The following ZCCHC4 variants were observed in gnomAD, a reference collection of about 807,000 sequenced individuals.
ZCCHC4 encodes zinc finger CCHC-type containing 4.
ZCCHC4 carries 54 observed loss-of-function variants against 67.7 expected under a neutral mutation model. The observed-to-expected ratio is 0.80, with a 90% CI of 0.64 to 1.00. The LOEUF (loss-of-function observed/expected upper bound fraction) is 1.00. Ranked by LOEUF, ZCCHC4 falls within the 50% of genes least tolerant of loss-of-function variation. The probability of loss-of-function intolerance (pLI) is 0.00; values close to 1 mark genes in which losing one functional copy is unlikely to be tolerated. For missense variants in ZCCHC4, 609 were observed against 617.0 expected (o/e 0.99, Z 0.14); for synonymous variants, 198 against 213.5 (o/e 0.93, Z 0.63).
Position 25,359,171 on chromosome 4 carries a change from G to A in ZCCHC4, c.1012-2688G>A, listed in dbSNP as rs1720627604. ...GCAGCAGTAGATGGGTCCCCCGCAA[G>A]CATGGAGAAGGTACTGAAGCAGCTA... On this transcript the variant is annotated intron_variant, in intron 8 of 12. Coordinates refer to ENST00000302874, the MANE Select transcript of ZCCHC4 (RefSeq NM_024936.3). The surrounding 1 kb of genome is among the most constrained non-coding windows in gnomAD (Gnocchi z 4.9). 6.6e-6 allele frequency among the ~76,000 whole-genome samples: 1 copy of A among 152,224 alleles called. No homozygotes were observed. The highest frequency in any genetic ancestry group is 2.1e-4 in the South Asian group (1 of 4,836).
At position 25,322,331 on chromosome 4, in the gene ZCCHC4, T is replaced by C. The variant is rs1394301212; in HGVS notation, c.329+6931T>C. Among the ~76,000 whole-genome samples, 7 of 152,192 alleles carry C rather than the reference T, an allele frequency of 4.6e-5. No homozygotes were observed. In the South Asian group the frequency reaches 1.5e-3, roughly 32 times the overall value. ...AAACCTCATGCCTGTCAGCAGTTAC[T>C]CCCATTTCCCCACTCCCCACCCCAG... On this transcript the variant is annotated intron_variant, in intron 3 of 12. Transcript: ENST00000302874.
chr4:25,321,297 G>A (rs1303496603), intron 3 of ZCCHC4, among the ~76,000 whole-genome samples: 1 of 151,620 alleles, frequency 6.6e-6, no homozygotes, highest in Non-Finnish European at 1.5e-5. Flanking sequence ...CTGTTGCCCA[G>A]GCAGGAGTGC....
Position 25,365,073 on chromosome 4 carries a change from G to C in ZCCHC4, c.1313G>C (p.Cys438Ser). The C allele has an allele frequency of 6.2e-7, 1 of 1,614,194 alleles. No homozygotes were observed. Among genetic ancestry groups the C allele is most frequent in the Non-Finnish European group, 8.5e-7 (1 of 1,180,032 alleles). The change falls in exon 12 of 13, where the codon TGT becomes TCT. Residue 438 changes from cysteine (C) to serine (S), a missense_variant. Cys to Ser is a moderately radical substitution (Grantham distance 112). Transcript: ENST00000302874. Reference sequence around the variant, plus strand: ...CACTGTGCTGTTCCAGATCATTCTTGTGAGGGCCCCAAACATGGCTGCTTT... The same window carrying C: ...CACTGTGCTGTTCCAGATCATTCTTCTGAGGGCCCCAAACATGGCTGCTTT... ...CNHCAVPDHS[C>S]EGPKHGCFIC...
intron 3 of ZCCHC4, among the ~76,000 whole-genome samples, chr4:25,327,418 T>TTCCCTCCC (rs1270298300): frequency 1.6e-5 from 2 of 128,806 alleles, no homozygotes; most frequent in Non-Finnish European, 3.1e-5. Context: ...CCTTCCCTCC[T>TTCCCTCCC]TCCCTCCTTC....
At chr4:25,354,904 CCTTTT>C (rs200269596) in intron 8 of ZCCHC4, among the ~76,000 whole-genome samples, 1,603 of 109,330 alleles carry the variant, frequency 0.015, 38 homozygotes, top group African/African-American at 0.05. Flanking sequence ...CTTGATTAGG[CCTTTT>C]TTTTTTTTTT....
At chr4:25,355,442 G>A (rs11736160) in intron 8 of ZCCHC4, among the ~76,000 whole-genome samples, 63,153 of 151,988 alleles carry the variant, frequency 0.42, 15,659 homozygotes, top group Non-Finnish European at 0.56. Context: ...CACCATGGGG[G>A]TGGGGTCAGG....
chr4:25,362,083 T>C, intron 9 of ZCCHC4, 103 bp downstream of exon 9: 1 of 1,481,920 alleles, frequency 6.7e-7, no homozygotes, highest in Non-Finnish European at 9.1e-7. Flanking sequence ...TATTCTTCTG[T>C]TACTTTTAAA....
At chr4:25,347,841 G>GCCTCTCTACATA (rs1720096629) in intron 6 of ZCCHC4, among the ~76,000 whole-genome samples, 2 of 152,172 alleles carry the variant, frequency 1.3e-5, no homozygotes, top group African/African-American at 4.8e-5. Flanking sequence ...AGAGAGGATG[G>GCCTCTCTACATA]CTAATTAAAT....
chr4:25,334,952 C>A (rs1719376951), intron 5 of ZCCHC4, among the ~76,000 whole-genome samples: 1 of 152,046 alleles, frequency 6.6e-6, no homozygotes, highest in African/African-American at 2.4e-5. Flanking sequence ...ATCCTCTAAC[C>A]TCAGTCCCCC....
chr4:25,335,157 G>A (rs189232347), intron 5 of ZCCHC4, among the ~76,000 whole-genome samples: 24 of 152,334 alleles, frequency 1.6e-4, no homozygotes, highest in Admixed American at 1.4e-3. Flanking sequence ...TTTAAAAAGT[G>A]TAGTTTGGGT....
chr4:25,312,949 C>A lies in ZCCHC4; in HGVS notation c.127+13C>A. The A allele has an allele frequency of 6.2e-7, 1 of 1,610,918 alleles. No homozygotes were observed. Among genetic ancestry groups the A allele is most frequent in the Non-Finnish European group, 8.5e-7 (1 of 1,179,764 alleles). ...CTGTGCCCTCACGGTGGGTCAGAGTCTGGGCTCAGCCTAACTGCCGGGCGC... is the reference window on the plus strand; with the variant it reads ...CTGTGCCCTCACGGTGGGTCAGAGTATGGGCTCAGCCTAACTGCCGGGCGC... On this transcript the variant is annotated intron_variant, in intron 1 of 12. Transcript: ENST00000302874.
Position 25,314,032 on chromosome 4 carries a change from T to TTAA in ZCCHC4, c.128-14_128-13insTAA. 2 of 1,437,634 alleles carry TTAA rather than the reference T, an allele frequency of 1.4e-6. No homozygotes were observed. Among genetic ancestry groups the TTAA allele is most frequent in the Non-Finnish European group, 1.9e-6 (2 of 1,055,714 alleles). 89.1% of individuals were successfully genotyped at this position (1,437,634 alleles called of 1,614,324 possible). On this transcript the variant is annotated splice_polypyrimidine_tract_variant and intron_variant, in intron 1 of 12. Coordinates refer to ENST00000302874, the MANE Select transcript of ZCCHC4 (RefSeq NM_024936.3). ...ACTTGACACTTTTTTTTTTTTTTTCTATTCTGGAACTAGGACCCACTCTTC... is the reference window on the plus strand; with the variant it reads ...ACTTGACACTTTTTTTTTTTTTTTCTTAAATTCTGGAACTAGGACCCACTCTTC...
At chr4:25,329,395 A>T (rs2667299) in intron 3 of ZCCHC4, among the ~76,000 whole-genome samples, 1 of 151,838 alleles carries the variant, frequency 6.6e-6, no homozygotes, top group Non-Finnish European at 1.5e-5. Flanking sequence ...ATTTTGTATC[A>T]TTCTGAGACC....
In ZCCHC4 at chr4:25,333,411, A is replaced by AAT. The variant is rs755463136; in HGVS notation, c.558_559insAT (p.Leu187IlefsTer21). The AAT allele has an allele frequency of 1.3e-5, 21 of 1,614,092 alleles. No homozygotes were observed. The highest frequency in any genetic ancestry group is 1.7e-5 in the Non-Finnish European group (20 of 1,180,038). On this transcript the variant is annotated frameshift_variant, in exon 4 of 13. Transcript: ENST00000302874. LOFTEE classifies it high-confidence loss of function. The stretch of plus-strand genomic sequence containing the variant: ...GGAGCTGTCAGTTCTTGGTAGACTT[A>AAT]CTTTCTGCCCTCGGATTCAGAAGAG...
intron 10 of ZCCHC4, among the ~76,000 whole-genome samples, chr4:25,364,086 G>T (rs1319257769): frequency 1.3e-5 from 2 of 152,164 alleles, no homozygotes; most frequent in Admixed American, 1.3e-4. Context: ...TCTCAAATAT[G>T]AATTTCATTA....
At chr4:25,351,558 C>T in intron 7 of ZCCHC4, 31 bp from the exon 8 acceptor site, 4 of 1,442,632 alleles carry the variant, frequency 2.8e-6, no homozygotes, top group Non-Finnish European at 3.8e-6. Context: ...CTTTAATTTA[C>T]TATTATTTTT....
intron 4 of ZCCHC4, 119 bp from the exon 5 acceptor site, chr4:25,333,789 C>A: frequency 1.3e-6 from 1 of 769,246 alleles, no homozygotes; most frequent in Non-Finnish European, 2.0e-6. Flanking sequence ...AAATTCTCTT[C>A]AGTGTTTCAT....
At chr4:25,351,921 A>C (rs1720319254) in intron 8 of ZCCHC4, among the ~76,000 whole-genome samples, 1 of 152,192 alleles carries the variant, frequency 6.6e-6, no homozygotes, top group East Asian at 1.9e-4. Flanking sequence ...TAGAGGACAA[A>C]GCCCCAAGAA....
At chr4:25,339,506 G>C (rs1394742874) in intron 5 of ZCCHC4, among the ~76,000 whole-genome samples, 1 of 152,156 alleles carries the variant, frequency 6.6e-6, no homozygotes, top group Admixed American at 6.5e-5. Flanking sequence ...TGTATTCCAT[G>C]ATGGCTAGTA....
Sources: allele counts gnomAD v4.1 joint callset (sites outside exome capture counted in the v4.1 genomes callset), GRCh38; gene constraint gnomAD v4.1.1; non-coding constraint Gnocchi (gnomAD v3.1); transcripts MANE v1.5; gene names NCBI Gene and HGNC (gene_info 2026-07-23, HGNC 2026-07-21).